LRRC58: variants seen among roughly 807,000 people sequenced by gnomAD.
LRRC58 encodes the protein leucine-rich repeat-containing protein 58.
A neutral mutation model predicts 30.6 loss-of-function variants in LRRC58; 18 were observed. The observed-to-expected ratio is 0.59, with a 90% CI of 0.41 to 0.87. The LOEUF (loss-of-function observed/expected upper bound fraction) is 0.87, where lower values mean the gene tolerates loss of function less well. Among genes scored for constraint, LRRC58 ranks in the 40% least tolerant of loss-of-function variants. LRRC58 has a pLI of 0.00. For synonymous variants in LRRC58, 221 were observed against 206.0 expected, an observed-to-expected ratio of 1.07 and a Z score of -0.62; for missense variants, 420 against 468.4, an observed-to-expected ratio of 0.90 and a Z score of 0.95.
At chr3:120,338,904 T>A (rs1321607412) in intron 1 of LRRC58, among the ~76,000 whole-genome samples, 4 of 152,212 alleles carry the variant, frequency 2.6e-5, no homozygotes, top group African/African-American at 9.7e-5. Context: ...AGGGGAGCAC[T>A]GTGGGCAGGA....
In LRRC58 at chr3:120,331,350, A is replaced by G; in HGVS notation, c.966T>C (p.Tyr322=). The G allele has an allele frequency of 1.9e-6, 3 of 1,613,908 alleles. No individual in the cohort carries two copies. The highest frequency in any genetic ancestry group is 2.5e-6 in the Non-Finnish European group (3 of 1,179,786). The change falls in exon 4 of 4, where the codon TAT becomes TAC. Residue 322 remains tyrosine, a synonymous_variant. Coordinates refer to ENST00000295628, the MANE Select transcript of LRRC58 (RefSeq NM_001099678.2). ...ACAAGTAGTGCATCAGTGGGAGGCG[A>G]TACTTCCCACAGAAGTCCACAAATT... The part of the protein sequence containing the change: ...QIKFVDFCGK[Y]RLPLMHYLCS...
At chr3:120,348,324 T>C (rs1008828904) in intron 1 of LRRC58, among the ~76,000 whole-genome samples, 8 of 152,158 alleles carry the variant, frequency 5.3e-5, no homozygotes, top group African/African-American at 1.9e-4. Flanking sequence ...GCTGCAAATG[T>C]AGTGGAAAGC....
At chr3:120,332,307 A>G (rs1175049771) in intron 3 of LRRC58, among the ~76,000 whole-genome samples, 2 of 152,244 alleles carry the variant, frequency 1.3e-5, no homozygotes, top group African/African-American at 4.8e-5. Context: ...ATAAGGGACC[A>G]AAATTAAAAG....
rs1935725615 is a variant in LRRC58, at chr3:120,329,571, T to C, written c.*1629A>G. ...AACTCTCATGTTTCATGAATTAATATACAAATAAACACATAAACCCTGAAT... is the reference window on the plus strand; with the variant it reads ...AACTCTCATGTTTCATGAATTAATACACAAATAAACACATAAACCCTGAAT... On this transcript the variant is annotated 3_prime_UTR_variant, in exon 4 of 4. Transcript: ENST00000295628. The C allele has an allele frequency of 1.3e-5, 2 of 152,202 alleles. No individual in the cohort carries two copies. The highest frequency in any genetic ancestry group is 1.3e-4 in the Admixed American group (2 of 15,304). The allele number at this position is 152,202 out of a possible 1,614,324, so 9.4% of individuals were successfully genotyped here.
At chr3:120,346,434 AC>A (rs757258330) in intron 1 of LRRC58, among the ~76,000 whole-genome samples, 49 of 152,168 alleles carry the variant, frequency 3.2e-4, no homozygotes, top group Non-Finnish European at 4.0e-4. Flanking sequence ...TAATCTTATG[AC>A]TTAATTTCTC....
chr3:120,348,600 G>C, intron 1 of LRRC58, 144 bp downstream of exon 1: 1 of 918,864 alleles, frequency 1.1e-6, no homozygotes, highest in Admixed American at 3.5e-5. Flanking sequence ...TTGCTGAGAT[G>C]GTTGGGCAGA....
At chr3:120,336,059 T>TAA in intron 1 of LRRC58, 106 bp from the exon 2 acceptor site, 1 of 815,346 alleles carries the variant, frequency 1.2e-6, no homozygotes, top group Non-Finnish European at 1.9e-6. Flanking sequence ...CAGCAAATGT[T>TAA]TTACTTAAGA....
At chr3:120,335,704 C>CT in intron 2 of LRRC58, 121 bp downstream of exon 2, 1 of 855,292 alleles carries the variant, frequency 1.2e-6, no homozygotes, top group Non-Finnish European at 1.8e-6. Context: ...CTATAATTAA[C>CT]ATATCACTTA....
In LRRC58 at chr3:120,349,320, GC is replaced by G; in HGVS notation, c.-78del. The G allele has an allele frequency of 7.7e-7, 1 of 1,306,574 alleles. No individual in the cohort carries two copies. Among genetic ancestry groups the G allele is most frequent in the Non-Finnish European group, 9.8e-7 (1 of 1,024,746 alleles). The allele number at this position is 1,306,574 out of a possible 1,614,324, so 80.9% of individuals were successfully genotyped here. On this transcript the variant is annotated 5_prime_UTR_variant, in exon 1 of 4. Transcript: ENST00000295628. ...GTCCAGAGGCCGGGAGCTCTGCGGC[GC>G]CCCGGAACCTGAACCGAGGGCTGAG...
chr3:120,335,284 C>A, intron 2 of LRRC58, 145 bp from the exon 3 acceptor site: 1 of 728,170 alleles, frequency 1.4e-6, no homozygotes, highest in East Asian at 2.8e-5. Context: ...TAAAAAGGTG[C>A]TGAAACTAGA....
Position 120,328,727 on chromosome 3 carries a change from A to G in LRRC58, c.*2473T>C, listed in dbSNP as rs1047580774. The G allele has an allele frequency of 6.6e-6, 1 of 152,184 alleles. No homozygotes were observed. The highest frequency in any genetic ancestry group is 2.4e-5 in the African/African-American group (1 of 41,468). The allele number at this position is 152,184 out of a possible 1,614,324, so 9.4% of individuals were successfully genotyped here. A position where few individuals can be genotyped will look rare whatever the true frequency, so the allele number is the denominator to read the frequency against. ...TCTCCAATCAGTTATGAGAAAAGGA[A>G]AGGTAGGAAAAAGAAACAGGGAAAA... On this transcript the variant is annotated 3_prime_UTR_variant, in exon 4 of 4. Coordinates refer to ENST00000295628, the MANE Select transcript of LRRC58 (RefSeq NM_001099678.2).
chr3:120,334,371 T>A (rs977419477), intron 3 of LRRC58, among the ~76,000 whole-genome samples: 1 of 151,646 alleles, frequency 6.6e-6, no homozygotes, highest in Non-Finnish European at 1.5e-5. Context: ...AGCCGGGTGT[T>A]GTGGTGGGCG....
At chr3:120,341,463 G>A (rs1211287009) in intron 1 of LRRC58, among the ~76,000 whole-genome samples, 2 of 152,166 alleles carry the variant, frequency 1.3e-5, no homozygotes, top group East Asian at 1.9e-4. Context: ...GAGGGCAAGT[G>A]TAAATATTAT....
chr3:120,340,974 C>T (rs1194946077), intron 1 of LRRC58, among the ~76,000 whole-genome samples: 5 of 152,090 alleles, frequency 3.3e-5, no homozygotes, highest in African/African-American at 1.2e-4. Flanking sequence ...TTTCAAAATT[C>T]CATTTCTCTC....
At chr3:120,334,497 G>A (rs1427345970) in intron 3 of LRRC58, among the ~76,000 whole-genome samples, 1 of 148,706 alleles carries the variant, frequency 6.7e-6, no homozygotes, top group Non-Finnish European at 1.5e-5. Flanking sequence ...AACAGAGCAA[G>A]ACTCTGTCTC....
rs900660628 is a variant in LRRC58 at position 120,329,616 on chromosome 3, A to G, written c.*1584T>C. On this transcript the variant is annotated 3_prime_UTR_variant, in exon 4 of 4. Coordinates refer to ENST00000295628, the MANE Select transcript of LRRC58 (RefSeq NM_001099678.2). ...CTGAATTATGCTAGTTTCTTCTAAA[A>G]TAAAAAATATATATGAAAAAAACCC... 1 of 151,908 alleles carries G rather than the reference A, an allele frequency of 6.6e-6. No homozygotes were observed. Among genetic ancestry groups the G allele is most frequent in the African/African-American group, 2.4e-5 (1 of 41,286 alleles). 9.4% of individuals were successfully genotyped at this position (151,908 alleles called of 1,614,324 possible).
intron 3 of LRRC58, among the ~76,000 whole-genome samples, chr3:120,333,069 G>A (rs1166785304): frequency 7.3e-6 from 1 of 136,364 alleles, no homozygotes; most frequent in African/African-American, 2.9e-5. Context: ...TCCAGCCTGG[G>A]CAATACAGCG....
At chr3:120,346,281 A>C (rs891749294) in intron 1 of LRRC58, among the ~76,000 whole-genome samples, 1 of 152,098 alleles carries the variant, frequency 6.6e-6, no homozygotes, top group African/African-American at 2.4e-5. Flanking sequence ...CAAAAAACAA[A>C]AAACAAAAAC....
chr3:120,339,614 C>A (rs1935878286), intron 1 of LRRC58, among the ~76,000 whole-genome samples: 1 of 152,142 alleles, frequency 6.6e-6, no homozygotes, highest in African/African-American at 2.4e-5. Context: ...GAAGATGCTG[C>A]TCCGTTATCT....
Sources: allele counts gnomAD v4.1 joint callset (sites outside exome capture counted in the v4.1 genomes callset), GRCh38; gene constraint gnomAD v4.1.1; transcripts MANE v1.5; gene names NCBI Gene and HGNC (gene_info 2026-07-23, HGNC 2026-07-21).